UBR1: variants seen among roughly 807,000 people sequenced by gnomAD.
The protein encoded by UBR1 is ubiquitin protein ligase E3 component n-recognin 1.
UBR1 carries 102 observed loss-of-function variants against 242.1 expected under a neutral mutation model. That is an observed-to-expected ratio of 0.42 (90% CI 0.36 to 0.50). UBR1 has a LOEUF of 0.50. Among genes scored for constraint, UBR1 ranks in the 20% least tolerant of loss-of-function variants. The probability of loss-of-function intolerance (pLI) is 0.01; values close to 1 mark genes in which losing one functional copy is unlikely to be tolerated. For missense variants in UBR1, 1,772 were observed against 2,101.8 expected (o/e 0.84, Z 3.07); for synonymous variants, 675 against 684.8 (o/e 0.99, Z 0.22).
chr15:42,982,583 A>C (rs1014460315), intron 37 of UBR1, among the ~76,000 whole-genome samples: 3 of 152,244 alleles, frequency 2.0e-5, no homozygotes, highest in Non-Finnish European at 4.4e-5. Flanking sequence ...CTTGGATGGT[A>C]GCTTTGGAAG....
intron 39 of UBR1, 104 bp from the exon 40 acceptor site, chr15:42,970,711 A>C: frequency 9.4e-7 from 1 of 1,068,506 alleles, no homozygotes; most frequent in South Asian, 1.4e-5. Flanking sequence ...AGATTCATTC[A>C]ACTGAGGTTC....
intron 42 of UBR1, among the ~76,000 whole-genome samples, chr15:42,963,420 A>G (rs1028977164): frequency 6.6e-5 from 10 of 152,196 alleles, no homozygotes; most frequent in African/African-American, 2.2e-4. Context: ...GGTTAGCAGC[A>G]TTGACAGTGC....
chr15:43,102,562 A>C (rs756164827), intron 1 of UBR1, among the ~76,000 whole-genome samples: 1 of 152,214 alleles, frequency 6.6e-6, no homozygotes, highest in Non-Finnish European at 1.5e-5. Flanking sequence ...TCTGAAATTG[A>C]CTTAAGGAAG....
chr15:43,021,503 G>A, intron 26 of UBR1, 128 bp from the exon 27 acceptor site: 3 of 795,546 alleles, frequency 3.8e-6, no homozygotes, highest in Non-Finnish European at 4.3e-6. Flanking sequence ...ATGTAAAATG[G>A]TGTAGTATTT....
intron 15 of UBR1, 126 bp downstream of exon 15, chr15:43,043,089 T>C (rs548638154): frequency 3.0e-6 from 3 of 1,008,936 alleles, no homozygotes; most frequent in Non-Finnish European, 4.5e-6. Context: ...AGCCCTTAAC[T>C]GCAGTATCTG....
chr15:42,988,525 C>T (rs1457321107), intron 35 of UBR1: 1 of 381,306 alleles, frequency 2.6e-6, no homozygotes, highest in East Asian at 6.0e-5. Context: ...TCAAGTTATC[C>T]TCCCACCTCA....
chr15:43,001,169 C>T (rs1215603438), intron 32 of UBR1, among the ~76,000 whole-genome samples: 2 of 146,556 alleles, frequency 1.4e-5, no homozygotes, highest in Non-Finnish European at 3.0e-5. Flanking sequence ...TTTTTTGAGA[C>T]GGAGTCTCAC....
At chr15:43,059,499 ATAT>A (rs1395770958) in intron 8 of UBR1, among the ~76,000 whole-genome samples, 200 bp downstream of exon 8, 1 of 152,018 alleles carries the variant, frequency 6.6e-6, no homozygotes, top group Non-Finnish European at 1.5e-5. Context: ...CAATAAAAAG[ATAT>A]TATTTGATAC....
At chr15:43,038,556 T>C (rs1004900761) in intron 15 of UBR1, among the ~76,000 whole-genome samples, 1 of 152,100 alleles carries the variant, frequency 6.6e-6, no homozygotes, top group Non-Finnish European at 1.5e-5. Flanking sequence ...ATCATGCCAC[T>C]GCACTTCAGC....
chr15:43,057,264 T>C (rs969435363), intron 10 of UBR1, among the ~76,000 whole-genome samples: 1 of 152,208 alleles, frequency 6.6e-6, no homozygotes, highest in African/African-American at 2.4e-5. Flanking sequence ...ACAACAAATG[T>C]CTTAGTTACT....
At position 43,026,579 on chromosome 15, in the gene UBR1, G is replaced by A; in HGVS notation, c.2517C>T (p.Ser839=). 1.2e-6 allele frequency: 2 copies of A among 1,613,090 alleles called. No homozygotes were observed. Among genetic ancestry groups the A allele is most frequent in the Non-Finnish European group, 1.7e-6 (2 of 1,179,540 alleles). The change falls in exon 23 of 47, where the codon TCC becomes TCT. Residue 839 remains serine (S), a synonymous_variant. Transcript: ENST00000290650. ...KDFNMYFYHY[S]KTQHSKAEHM... is the part of the protein sequence containing the mutation. ...TTTCTACCTTGCTATGCTGGGTTTT[G>A]GAGTAATGATAAAAGTACATATTGA...
intron 15 of UBR1, among the ~76,000 whole-genome samples, chr15:43,039,650 C>T (rs1185803740): frequency 6.6e-6 from 1 of 152,154 alleles, no homozygotes; most frequent in African/African-American, 2.4e-5. Context: ...TTCCTCTTTT[C>T]CTAACTGAAT....
intron 12 of UBR1, among the ~76,000 whole-genome samples, chr15:43,049,599 G>T (rs2033529113): frequency 6.6e-6 from 1 of 151,986 alleles, no homozygotes; most frequent in Non-Finnish European, 1.5e-5. Flanking sequence ...AAGCAACAAA[G>T]AAAATACATT....
chr15:42,956,831 A>T (rs1194202024), intron 44 of UBR1, among the ~76,000 whole-genome samples: 1 of 152,134 alleles, frequency 6.6e-6, no homozygotes, highest in African/African-American at 2.4e-5. Context: ...GTCTTCCAAA[A>T]ATTGAGGCTG....
At position 42,945,353 on chromosome 15, in the gene UBR1, A is replaced by C. The variant is rs747638794; in HGVS notation, c.5226T>G (p.Phe1742Leu). 3 of 1,614,082 alleles carry C rather than the reference A, an allele frequency of 1.9e-6. No homozygotes were observed. The highest frequency in any genetic ancestry group is 2.7e-5 in the African/African-American group (2 of 74,948). The change falls in exon 47 of 47, where the codon TTT (phenylalanine) becomes TTG (leucine). Residue 1742 changes from phenylalanine (F) to leucine (L), a missense_variant. Around this residue, in one of 3 missense-constraint regions of UBR1, gnomAD observed 965 missense variants for 1,079.7 expected, o/e 0.89. Transcript: ENST00000290650. ...CTCACAGTAACTGCCAGTTGAATCC[A>C]AATAACATCTGATTAGTCTCTTGGC... is the stretch of plus-strand genomic sequence containing the variant. ...ARSQETNQML[F>L]GFNWQLL
At chr15:42,988,386 C>T (rs527530618) in intron 35 of UBR1, 1 of 214,302 alleles carries the variant, frequency 4.7e-6, no homozygotes, top group East Asian at 1.2e-4. Context: ...CCTCAAACTC[C>T]TGGACTCAAA....
intron 20 of UBR1, among the ~76,000 whole-genome samples, chr15:43,030,638 C>T (rs976100481): frequency 6.6e-6 from 1 of 152,170 alleles, no homozygotes; most frequent in Non-Finnish European, 1.5e-5. Context: ...TTTCCATTTT[C>T]ATCACAATAA....
intron 5 of UBR1, among the ~76,000 whole-genome samples, chr15:43,069,625 T>C (rs560872775): frequency 2.3e-4 from 35 of 152,332 alleles, no homozygotes; most frequent in African/African-American, 7.2e-4. Flanking sequence ...ATACGCTCAA[T>C]TGATCCTCAA....
At chr15:43,022,591 C>A in intron 26 of UBR1, 111 bp downstream of exon 26, 1 of 717,384 alleles carries the variant, frequency 1.4e-6, no homozygotes, top group Non-Finnish European at 2.3e-6. Context: ...GTTTTAAGGA[C>A]TGACAGATTA....
Sources: gnomAD v4.1 joint callset for allele counts (sites outside exome capture counted in the v4.1 genomes callset) on GRCh38, gnomAD v4.1.1 for gene constraint, gnomAD v4.1.1 regional missense constraint, MANE v1.5 for transcripts, NCBI Gene and HGNC (gene_info 2026-07-23, HGNC 2026-07-21) for gene names.